The following PID1 variants were observed in gnomAD, a reference collection of about 807,000 sequenced individuals.
PID1 encodes the protein phosphotyrosine interaction domain containing 1.
A neutral mutation model predicts 19.1 loss-of-function variants in PID1; 10 were observed. The ratio of observed to expected loss-of-function variants is 0.52; its 90% CI spans 0.32 to 0.89. PID1 has a LOEUF of 0.89. Among genes scored for constraint, PID1 ranks in the 40% least tolerant of loss-of-function variants. The pLI is 0.03. For synonymous variants in PID1, 130 were observed against 116.0 expected, an observed-to-expected ratio of 1.12 and a Z score of -0.78; for missense variants, 248 against 285.3, an observed-to-expected ratio of 0.87 and a Z score of 0.94.
chr2:229,145,023 T>G (rs1690096342), intron 2 of PID1, among the ~76,000 whole-genome samples: 1 of 151,802 alleles, frequency 6.6e-6, no homozygotes, highest in Admixed American at 6.6e-5. Context: ...TAAATTACAC[T>G]ACTCTTGGAG....
chr2:229,232,721 T>C (rs905592139), intron 1 of PID1, among the ~76,000 whole-genome samples: 1 of 148,960 alleles, frequency 6.7e-6, no homozygotes, highest in East Asian at 1.9e-4. Flanking sequence ...CATTCCAATA[T>C]GATGCATTGT....
rs1409801139 is a variant in PID1, at chr2:229,134,972, A to G, written c.177+20846T>C. 3.9e-5 allele frequency among the ~76,000 whole-genome samples: 6 copies of G among 152,320 alleles called. No homozygotes were observed. In the East Asian group the frequency reaches 1.2e-3, roughly 29 times the overall value. On this transcript the variant is annotated intron_variant, in intron 2 of 2. Coordinates refer to ENST00000392055, the MANE Select transcript of PID1 (RefSeq NM_001100818.2). ...AGTTCTGCCCTCACACAAAGGGAACATAAGAGAGAATGAAGAAACAAAGAA... is the reference window on the plus strand; with the variant it reads ...AGTTCTGCCCTCACACAAAGGGAACGTAAGAGAGAATGAAGAAACAAAGAA...
intron 2 of PID1, among the ~76,000 whole-genome samples, chr2:229,143,744 T>C (rs1484529120): frequency 1.3e-5 from 2 of 152,102 alleles, no homozygotes. Flanking sequence ...CTCGTGATAG[T>C]GAGTTCTCAC....
chr2:229,066,197 C>A (rs1356674612), intron 2 of PID1, among the ~76,000 whole-genome samples: 5 of 151,810 alleles, frequency 3.3e-5, no homozygotes, highest in African/African-American at 1.2e-4. Context: ...AGATTCTATC[C>A]ATTCATTTAC....
intron 2 of PID1, among the ~76,000 whole-genome samples, chr2:229,026,727 C>T (rs1693432622): frequency 6.6e-6 from 1 of 152,168 alleles, no homozygotes; most frequent in African/African-American, 2.4e-5. Context: ...TTAACCTAAA[C>T]TGTTTTTGAA....
intron 1 of PID1, among the ~76,000 whole-genome samples, chr2:229,244,359 A>C (rs1256347018): frequency 6.6e-6 from 1 of 152,120 alleles, no homozygotes; most frequent in African/African-American, 2.4e-5. Flanking sequence ...AACAACTGCA[A>C]CCAGCTGTGA....
In PID1 at chr2:229,189,451, T is replaced by C. The variant is rs1406738284; in HGVS notation, c.31-33487A>G. Among the ~76,000 whole-genome samples, 3 of 152,302 alleles carry C rather than the reference T, an allele frequency of 2.0e-5. No homozygotes were observed. In the East Asian group the frequency reaches 5.8e-4, roughly 29 times the overall value. On this transcript the variant is annotated intron_variant, in intron 1 of 2. Transcript: ENST00000392055. Reference sequence around the variant, plus strand: ...GGCTCATGCCTGTAATCCCAGCACTTTGGGAGGCCAAGGCAGGTGGATCAC... The same window carrying C: ...GGCTCATGCCTGTAATCCCAGCACTCTGGGAGGCCAAGGCAGGTGGATCAC...
chr2:229,187,711 T>C (rs1453640838), intron 1 of PID1, among the ~76,000 whole-genome samples: 1 of 152,150 alleles, frequency 6.6e-6, no homozygotes, highest in East Asian at 1.9e-4. Flanking sequence ...TCCATGAGCA[T>C]AAAACAAGCT....
intron 1 of PID1, among the ~76,000 whole-genome samples, chr2:229,193,636 TTTATTG>T (rs1214100264): frequency 6.6e-6 from 1 of 152,112 alleles, no homozygotes; most frequent in Non-Finnish European, 1.5e-5. Context: ...GGGCTGTATT[TTTATTG>T]TTATTGTTAC....
At chr2:229,156,176 T>A (rs528464356) in intron 1 of PID1, among the ~76,000 whole-genome samples, 1 of 152,144 alleles carries the variant, frequency 6.6e-6, no homozygotes, top group South Asian at 2.1e-4. Flanking sequence ...CTAAGCAGAG[T>A]CCACAGAAAC....
Position 229,222,892 on chromosome 2 carries a change from CACACACACAT to C in PID1, c.30+48112_30+48121del, listed in dbSNP as rs113706601. 4.5e-3 allele frequency among the ~76,000 whole-genome samples: 594 copies of C among 131,108 alleles called. 3 individuals are homozygous for C. Among genetic ancestry groups the C allele is most frequent in the African/African-American group, 0.018 (566 of 32,018 alleles). The allele number at this position is 131,108 out of a possible 152,430, so 86.0% of individuals were successfully genotyped here. On this transcript the variant is annotated intron_variant, in intron 1 of 2. Transcript: ENST00000392055. ...ACACACACACACACACACACACACA[CACACACACAT>C]GTACCCTATTGGTTCTGTTTCTCTG...
At chr2:229,184,387 G>C (rs1362581380) in intron 1 of PID1, among the ~76,000 whole-genome samples, 1 of 84,434 alleles carries the variant, frequency 1.2e-5, no homozygotes, top group Non-Finnish European at 2.3e-5. Flanking sequence ...TATCTATCCC[G>C]TATATATCTA....
At chr2:229,243,881 G>A (rs887255231) in intron 1 of PID1, among the ~76,000 whole-genome samples, 3 of 151,992 alleles carry the variant, frequency 2.0e-5, no homozygotes, top group African/African-American at 7.3e-5. Flanking sequence ...GCTTTTCCTA[G>A]CTCATACATT....
intron 2 of PID1, among the ~76,000 whole-genome samples, chr2:229,104,100 T>G (rs768346291): frequency 2.5e-4 from 38 of 152,210 alleles, no homozygotes; most frequent in Admixed American, 2.0e-4. Context: ...TACAAGAGCC[T>G]GAGTTTCTAG....
At chr2:229,214,096 CTG>C (rs2106251938) in intron 1 of PID1, among the ~76,000 whole-genome samples, 1 of 152,268 alleles carries the variant, frequency 6.6e-6, no homozygotes, top group East Asian at 1.9e-4. Flanking sequence ...ATAATCAGGA[CTG>C]TGTTCCAGAT....
At chr2:229,229,671 T>C (rs191374271) in intron 1 of PID1, among the ~76,000 whole-genome samples, 15 of 152,328 alleles carry the variant, frequency 9.8e-5, no homozygotes, top group African/African-American at 3.6e-4. Flanking sequence ...AATAGTGATT[T>C]TAAACACTGT....
intron 1 of PID1, among the ~76,000 whole-genome samples, chr2:229,230,232 G>A (rs1224112559): frequency 6.6e-6 from 1 of 152,200 alleles, no homozygotes; most frequent in Non-Finnish European, 1.5e-5. Flanking sequence ...AAGGTGTTCA[G>A]AACTGTAATT....
At chr2:229,129,413 CAAA>C (rs370442954) in intron 2 of PID1, among the ~76,000 whole-genome samples, 4 of 111,068 alleles carry the variant, frequency 3.6e-5, no homozygotes, top group Admixed American at 1.9e-4. Context: ...GACTCCATCT[CAAA>C]AAAAAAAAAA....
At chr2:229,240,646 G>C (rs535092343) in intron 1 of PID1, among the ~76,000 whole-genome samples, 1 of 152,118 alleles carries the variant, frequency 6.6e-6, no homozygotes, top group South Asian at 2.1e-4. Flanking sequence ...TCATTGCTTT[G>C]ACTTTCAGCA....
Sources: gnomAD v4.1 joint callset for allele counts (sites outside exome capture counted in the v4.1 genomes callset) on GRCh38, gnomAD v4.1.1 for gene constraint, MANE v1.5 for transcripts, NCBI Gene and HGNC (gene_info 2026-07-23, HGNC 2026-07-21) for gene names.